The following CELF1 variants were observed in gnomAD, a reference collection of about 807,000 sequenced individuals.
The protein encoded by CELF1 is CUGBP Elav-like family member 1, also known as 50 kDa nuclear polyadenylated RNA-binding protein.
Under a neutral mutation model 61.8 loss-of-function variants are expected in CELF1, and 10 were observed. The ratio of observed to expected loss-of-function variants is 0.16; its 90% confidence interval spans 0.10 to 0.27. The LOEUF is 0.27. CELF1 is among the 10% of genes least tolerant of loss of function. CELF1 has a pLI of 1.00. For synonymous variants in CELF1, 236 were observed against 225.1 expected, an observed-to-expected ratio of 1.05 and a Z score of -0.43; for missense variants, 380 against 639.1, an observed-to-expected ratio of 0.59 and a Z score of 4.37.
chr11:47,473,287 G>C (rs1037210042), intron 13 of CELF1, 56 bp from the exon 14 acceptor site: 1 of 1,514,326 alleles, frequency 6.6e-7, no homozygotes, highest in Non-Finnish European at 9.0e-7. Flanking sequence ...TCGTCGCCCT[G>C]CACCAGTGAT....
rs903889012 is a variant in CELF1, at chr11:47,469,338, C to G, written c.*2892G>C. 1.3e-5 allele frequency: 2 copies of G among 152,214 alleles called. No individual in the cohort carries two copies. The highest frequency in any genetic ancestry group is 2.9e-5 in the Non-Finnish European group (2 of 68,044). 9.4% of individuals were successfully genotyped at this position (152,214 alleles called of 1,614,324 possible). On this transcript the variant is annotated 3_prime_UTR_variant, in exon 15 of 15. Transcript: ENST00000687097. ...GGCCCTTTGTTCCCAGAAATCCAAG[C>G]TCTTAGCTTCCATCCAGGCCCTGGC...
chr11:47,493,353 A>AG (rs1468761412), intron 3 of CELF1, among the ~76,000 whole-genome samples: 1 of 150,004 alleles, frequency 6.7e-6, no homozygotes, highest in Non-Finnish European at 1.5e-5. Context: ...AAAAAAAAAA[A>AG]AAAAATTAGC....
At chr11:47,491,575 C>G (rs1338232694) in intron 3 of CELF1, among the ~76,000 whole-genome samples, 1 of 152,176 alleles carries the variant, frequency 6.6e-6, no homozygotes, top group Non-Finnish European at 1.5e-5. Context: ...AATTCCTAAC[C>G]CTATATCTGT....
chr11:47,472,677 C>G (rs995418158), intron 14 of CELF1, among the ~76,000 whole-genome samples: 3 of 152,040 alleles, frequency 2.0e-5, no homozygotes, highest in Admixed American at 2.0e-4. Context: ...ACCTCAGCCT[C>G]AAGTAGCTGG....
intron 1 of CELF1, among the ~76,000 whole-genome samples, chr11:47,536,012 T>A (rs866098449): frequency 6.6e-6 from 1 of 152,086 alleles, no homozygotes; most frequent in African/African-American, 2.4e-5. Context: ...TCCGCCCGCC[T>A]CAGCCTCCCA....
intron 1 of CELF1, among the ~76,000 whole-genome samples, chr11:47,537,657 T>G (rs901322804): frequency 3.9e-5 from 6 of 152,216 alleles, no homozygotes; most frequent in African/African-American, 1.4e-4. Flanking sequence ...GACAATGACT[T>G]AAATTCACAG....
chr11:47,468,780 G>A lies in CELF1; in HGVS notation c.*3450C>T, dbSNP rs2077086971. 1 of 152,524 alleles carries A rather than the reference G, an allele frequency of 6.6e-6. No individual in the cohort carries two copies. The highest frequency in any genetic ancestry group is 1.5e-5 in the Non-Finnish European group (1 of 68,008). 9.4% of individuals were successfully genotyped at this position (152,524 alleles called of 1,614,324 possible). A position where few individuals can be genotyped will look rare whatever the true frequency, so the allele number is the denominator to read the frequency against. On this transcript the variant is annotated 3_prime_UTR_variant, in exon 15 of 15. Transcript: ENST00000687097. ...CATCAGCATCAAAGGTCAACACAAG[G>A]TCAAAGGTGAGAGTTCAAGCATCAG... is the stretch of plus-strand genomic sequence containing the variant.
intron 1 of CELF1, among the ~76,000 whole-genome samples, chr11:47,510,464 C>A (rs1186347647): frequency 1.3e-5 from 2 of 152,142 alleles, no homozygotes; most frequent in African/African-American, 4.8e-5. Context: ...AGTCCTAAAC[C>A]CATGAACTTG....
rs2093640174 is a variant in CELF1, at chr11:47,499,598, T to C, written c.-75A>G. The C allele has an allele frequency of 1.6e-6, 2 of 1,225,592 alleles. No homozygotes were observed. Among genetic ancestry groups the C allele is most frequent in the East Asian group, 5.1e-5 (2 of 39,230 alleles). The allele number at this position is 1,225,592 out of a possible 1,614,324, so 75.9% of individuals were successfully genotyped here. On this transcript the variant is annotated 5_prime_UTR_variant, in exon 3 of 15. Coordinates refer to ENST00000687097, the MANE Select transcript of CELF1 (RefSeq NM_001376376.1). Reference sequence around the variant, plus strand: ...TCTGATCCACAAATACACACAGCTTTAGCTTCCTGGGCCCCACAAAAAACA... The same window carrying C: ...TCTGATCCACAAATACACACAGCTTCAGCTTCCTGGGCCCCACAAAAAACA...
chr11:47,538,402 G>C (rs938084944), intron 1 of CELF1, among the ~76,000 whole-genome samples: 2 of 152,116 alleles, frequency 1.3e-5, no homozygotes, highest in Non-Finnish European at 2.9e-5. Context: ...CCAGCACTTT[G>C]GGAGGCCCAG....
At position 47,501,341 on chromosome 11, in the gene CELF1, C is replaced by T. The variant is rs925959806; in HGVS notation, c.-153-409G>A. Among the ~76,000 whole-genome samples, 19 of 152,180 alleles carry T rather than the reference C, an allele frequency of 1.2e-4. 1 individual carries two copies. The highest frequency in any genetic ancestry group is 4.6e-4 in the African/African-American group (19 of 41,460). Reference sequence around the variant, plus strand: ...GTCAGGCAGAAGATGGTAACCCTAGCTGGGGCTGGTTAGATTACTGGCTAT... The same window carrying T: ...GTCAGGCAGAAGATGGTAACCCTAGTTGGGGCTGGTTAGATTACTGGCTAT... On this transcript the variant is annotated intron_variant, in intron 1 of 14. Coordinates refer to ENST00000687097, the MANE Select transcript of CELF1 (RefSeq NM_001376376.1).
chr11:47,516,322 T>C (rs1364551262), intron 1 of CELF1, among the ~76,000 whole-genome samples: 1 of 152,176 alleles, frequency 6.6e-6, no homozygotes, highest in Non-Finnish European at 1.5e-5. Flanking sequence ...GAAAGTAAAA[T>C]AGAGATGACT....
At chr11:47,523,170 G>A (rs1410214732) in intron 1 of CELF1, 1 of 151,992 alleles carries the variant, frequency 6.6e-6, no homozygotes, top group East Asian at 1.9e-4. Context: ...ATGAGACCAG[G>A]GAAGTTATAA....
chr11:47,482,940 T>C (rs949064012), intron 8 of CELF1, 84 bp from the exon 9 acceptor site: 21 of 1,230,012 alleles, frequency 1.7e-5, no homozygotes, highest in Non-Finnish European at 2.3e-5. Flanking sequence ...ACATGCAGGT[T>C]ACATTCTAAT....
intron 1 of CELF1, among the ~76,000 whole-genome samples, chr11:47,503,161 G>A (rs1426577133): frequency 2.0e-5 from 3 of 152,080 alleles, no homozygotes; most frequent in South Asian, 2.1e-4. Context: ...GATCAATATA[G>A]GTAAGAAAAA....
At chr11:47,479,269 C>T (rs12286241) in intron 9 of CELF1, among the ~76,000 whole-genome samples, 3,467 of 152,284 alleles carry the variant, frequency 0.023, 103 homozygotes, top group African/African-American at 0.072. Context: ...TGAGGAGCTA[C>T]GCAGTCAACT....
intron 1 of CELF1, among the ~76,000 whole-genome samples, chr11:47,508,347 T>C (rs1023923533): frequency 2.0e-5 from 3 of 152,100 alleles, no homozygotes; most frequent in African/African-American, 4.8e-5. Flanking sequence ...TGGTTTTTCA[T>C]AGGCATCACT....
Position 47,533,809 on chromosome 11 carries a change from C to CAAAAAA in CELF1, c.-154+19177_-154+19182dup, listed in dbSNP as rs58856403. On this transcript the variant is annotated intron_variant, in intron 1 of 14. Coordinates refer to ENST00000687097, the MANE Select transcript of CELF1 (RefSeq NM_001376376.1). ...TGGGCAATAGAGCGAGACTCTCCCC[C>CAAAAAA]AAAAAAAAAAAAAAAAAAAAAAGGA... Among the ~76,000 whole-genome samples the CAAAAAA allele has an allele frequency of 1.9e-4, 16 of 85,294 alleles. 2 individuals carry two copies. Among genetic ancestry groups the CAAAAAA allele is most frequent in the Middle Eastern group, 7.0e-3 (1 of 142 alleles). The allele number at this position is 85,294 out of a possible 152,430, so 56.0% of individuals were successfully genotyped here. A position where few individuals can be genotyped will look rare whatever the true frequency, so the allele number is the denominator to read the frequency against.
chr11:47,558,554 ATATTT>A, intron 2 of CELF1, among the ~76,000 whole-genome samples: 1 of 115,036 alleles, frequency 8.7e-6, no homozygotes, highest in African/African-American at 3.7e-5. Context: ...TATATTATAT[ATATTT>A]ATATATAATA....
Sources: gnomAD v4.1 joint callset for allele counts (sites outside exome capture counted in the v4.1 genomes callset) on GRCh38, gnomAD v4.1.1 for gene constraint, MANE v1.5 for transcripts, NCBI Gene and HGNC (gene_info 2026-07-23, HGNC 2026-07-21) for gene names.